The following NAALADL2 variants were observed in gnomAD, a reference collection of about 807,000 sequenced individuals.
NAALADL2 encodes the protein inactive N-acetylated-alpha-linked acidic dipeptidase-like protein 2.
In NAALADL2, 76 loss-of-function variants were observed where a neutral mutation model predicts 87.2. That is an observed-to-expected ratio of 0.87 (90% CI 0.72 to 1.05). The LOEUF is 1.05. Among genes scored for constraint, NAALADL2 ranks in the 50% least tolerant of loss-of-function variants. The pLI, the probability that NAALADL2 is intolerant of heterozygous loss-of-function variation, is 0.00. For synonymous variants in NAALADL2, 354 were observed against 331.0 expected (o/e 1.07, Z -0.75); for missense variants, 1,089 against 945.8 (o/e 1.15, Z -1.99).
chr3:175,339,554 A>C (rs1762371486), intron 5 of NAALADL2, among the ~76,000 whole-genome samples: 1 of 152,192 alleles, frequency 6.6e-6, no homozygotes, highest in Non-Finnish European at 1.5e-5. Flanking sequence ...TTGTGCATCT[A>C]GCTTGATAAT....
At chr3:175,368,452 T>C (rs1765964290) in intron 5 of NAALADL2, among the ~76,000 whole-genome samples, 2 of 152,154 alleles carry the variant, frequency 1.3e-5, no homozygotes, top group African/African-American at 4.8e-5. Flanking sequence ...TCCTTGTACC[T>C]CTGGTAGAAT....
intron 1 of NAALADL2, among the ~76,000 whole-genome samples, chr3:174,490,561 A>C (rs186195435): frequency 6.4e-4 from 98 of 152,264 alleles, no homozygotes; most frequent in Admixed American, 2.5e-3. Flanking sequence ...ATTAGATCTC[A>C]ATAAAGATCT....
intron 6 of NAALADL2, among the ~76,000 whole-genome samples, chr3:175,449,203 C>G (rs1368912264): frequency 1.3e-5 from 2 of 151,950 alleles, no homozygotes; most frequent in South Asian, 4.1e-4. Flanking sequence ...TTCAGCCTTC[C>G]GAGTAGCTAG....
At chr3:175,785,940 A>AT (rs1370764772) in intron 13 of NAALADL2, among the ~76,000 whole-genome samples, 1 of 151,068 alleles carries the variant, frequency 6.6e-6, no homozygotes. Context: ...TCTGTAAAGT[A>AT]TTTTATTTCT....
chr3:175,713,553 G>C (rs2150008054), intron 11 of NAALADL2, among the ~76,000 whole-genome samples: 1 of 152,144 alleles, frequency 6.6e-6, no homozygotes, highest in East Asian at 1.9e-4. Flanking sequence ...ACAGTGTTTT[G>C]AGAAAGAGTT....
chr3:174,808,798 A>G (rs1719806305), intron 3 of NAALADL2, among the ~76,000 whole-genome samples: 1 of 151,866 alleles, frequency 6.6e-6, no homozygotes, highest in African/African-American at 2.4e-5. Context: ...TTCAATTAAA[A>G]AAAATGTGTG....
chr3:175,458,709 A>G lies in NAALADL2; in HGVS notation c.1235-4692A>G, dbSNP rs1348892043. Among the ~76,000 whole-genome samples the G allele has an allele frequency of 3.3e-5, 5 of 151,998 alleles. No homozygotes were observed. The East Asian group carries it at 9.7e-4, about 29-fold the overall frequency. ...CCTTCTCATTAAATGGAATATATTT[A>G]CTTAGGTAATTAGATCCTCTGCATG... On this transcript the variant is annotated intron_variant, in intron 6 of 13. Transcript: ENST00000454872.
intron 2 of NAALADL2, among the ~76,000 whole-genome samples, chr3:175,209,673 G>A (rs1401379042): frequency 6.6e-6 from 1 of 151,536 alleles, no homozygotes; most frequent in African/African-American, 2.4e-5. Flanking sequence ...AGCTTACGGT[G>A]ATATGTTACT....
At chr3:174,804,122 G>A (rs1414645399) in intron 3 of NAALADL2, among the ~76,000 whole-genome samples, 1 of 152,054 alleles carries the variant, frequency 6.6e-6, no homozygotes, top group Non-Finnish European at 1.5e-5. Flanking sequence ...TCTTCCATTT[G>A]TTTGTGTCCT....
intron 2 of NAALADL2, among the ~76,000 whole-genome samples, chr3:175,131,580 C>T (rs1330705083): frequency 2.0e-5 from 3 of 152,186 alleles, no homozygotes; most frequent in Non-Finnish European, 4.4e-5. Flanking sequence ...ATTTCTCAAT[C>T]TTTTCCCCGC....
intron 5 of NAALADL2, among the ~76,000 whole-genome samples, chr3:175,415,417 A>C (rs933727476): frequency 2.6e-5 from 4 of 152,176 alleles, no homozygotes; most frequent in Non-Finnish European, 4.4e-5. Flanking sequence ...CTTGCTTGCT[A>C]TCAGGATGGG....
rs140183119 is a variant in NAALADL2 at position 174,884,713 on chromosome 3, C to T, written c.43+25263C>T. On this transcript the variant is annotated intron_variant, in intron 1 of 13. Transcript: ENST00000454872. ...TAATCCAACTCCGTATTTCTTCAAC[C>T]ATTATCCCACACCCTTAATATACAC... 3.5e-3 allele frequency among the ~76,000 whole-genome samples: 537 copies of T among 152,288 alleles called. 2 individuals carry two copies. Among genetic ancestry groups the T allele is most frequent in the African/African-American group, 0.012 (509 of 41,556 alleles).
At chr3:174,905,067 T>C (rs76165106) in intron 1 of NAALADL2, among the ~76,000 whole-genome samples, 11,410 of 151,848 alleles carry the variant, frequency 0.075, 529 homozygotes, top group Middle Eastern at 0.12. Context: ...TTAGAAGTAG[T>C]CCACTGGTAA....
chr3:175,437,860 G>A (rs1305893004), intron 5 of NAALADL2, among the ~76,000 whole-genome samples: 1 of 151,828 alleles, frequency 6.6e-6, no homozygotes, highest in African/African-American at 2.4e-5. Context: ...TGGGAATATT[G>A]CTTTCCACTC....
At chr3:174,651,129 G>A (rs908584261) in intron 2 of NAALADL2, among the ~76,000 whole-genome samples, 1 of 151,974 alleles carries the variant, frequency 6.6e-6, no homozygotes, top group African/African-American at 2.4e-5. Context: ...CTATCATTTA[G>A]AATATGATTT....
chr3:175,145,829 A>C (rs891354232), intron 2 of NAALADL2, among the ~76,000 whole-genome samples: 2 of 151,846 alleles, frequency 1.3e-5, no homozygotes, highest in Non-Finnish European at 2.9e-5. Flanking sequence ...TTCTAAAACA[A>C]GTCTTCCTAC....
intron 1 of NAALADL2, among the ~76,000 whole-genome samples, chr3:175,070,259 T>C (rs1177525527): frequency 6.6e-6 from 1 of 151,994 alleles, no homozygotes; most frequent in African/African-American, 2.4e-5. Flanking sequence ...AGGCATTTTA[T>C]GTAATTCTCT....
rs1560078733 is a variant in NAALADL2, at chr3:175,138,368, A to G, written c.545+41077A>G. ...CTTCTTATCCAAAACTCCTGGGGGC[A>G]GGTATGCTGACGTTCACGTTTTGGA... On this transcript the variant is annotated intron_variant, in intron 2 of 13. Coordinates refer to ENST00000454872, the MANE Select transcript of NAALADL2 (RefSeq NM_207015.3). Among the ~76,000 whole-genome samples the G allele has an allele frequency of 4.6e-5, 7 of 152,276 alleles. No homozygotes were observed. In the South Asian group the frequency reaches 1.5e-3, roughly 32 times the overall value.
At chr3:174,864,216 A>G (rs1560298753) in intron 1 of NAALADL2, 4 of 347,548 alleles carry the variant, frequency 1.2e-5, no homozygotes, top group African/African-American at 4.4e-5. Flanking sequence ...AATCTGAAGT[A>G]AAGCCTAAGA....
Sources: gnomAD v4.1 joint callset for allele counts (sites outside exome capture counted in the v4.1 genomes callset) on GRCh38, gnomAD v4.1.1 for gene constraint, MANE v1.5 for transcripts, NCBI Gene and HGNC (gene_info 2026-07-23, HGNC 2026-07-21) for gene names.